Variants in HPS4 observed in about 807,000 individuals in gnomAD.
The protein encoded by HPS4 is BLOC-3 complex member HPS4.
In HPS4, 44 loss-of-function variants were observed where a neutral mutation model predicts 70.3. The observed-to-expected ratio is 0.63, with a 90% CI of 0.49 to 0.80. HPS4 has a LOEUF of 0.80. Among genes scored for constraint, HPS4 ranks in the 30% least tolerant of loss-of-function variants. The pLI is 0.00. For missense variants in HPS4, 873 were observed against 884.4 expected, an observed-to-expected ratio of 0.99 and a Z score of 0.16; for synonymous variants, 377 against 355.9, an observed-to-expected ratio of 1.06 and a Z score of -0.67.
chr22:26,464,624 T>C lies in HPS4; in HGVS notation c.1006A>G (p.Ile336Val). The C allele has an allele frequency of 6.2e-7, 1 of 1,614,192 alleles. No homozygotes were observed. Among genetic ancestry groups the C allele is most frequent in the Non-Finnish European group, 8.5e-7 (1 of 1,179,992 alleles). ...GCLSGHDLES[I>V]RPAGLHNSAR... Reference sequence around the variant, plus strand: ...GAGTTGTGCAGTCCTGCGGGCCTGATGCTCTCCAGATCATGGCCAGACAAG... The same window carrying C: ...GAGTTGTGCAGTCCTGCGGGCCTGACGCTCTCCAGATCATGGCCAGACAAG... The change falls in exon 11 of 14, where the codon ATC (isoleucine) becomes GTC (valine). Residue 336 changes from isoleucine to valine, a missense_variant. Transcript: ENST00000398145.
At chr22:26,445,901 G>A (rs1221436694), downstream of HPS4, among the ~76,000 whole-genome samples, 1 of 152,126 alleles carries the variant, frequency 6.6e-6, no homozygotes, top group Non-Finnish European at 1.5e-5. Flanking sequence ...TTAGAAGAGA[G>A]GGAGACAGGG....
At chr22:26,448,503 C>G (rs1356023971), downstream of HPS4, among the ~76,000 whole-genome samples, 1 of 152,230 alleles carries the variant, frequency 6.6e-6, no homozygotes, top group Non-Finnish European at 1.5e-5. Context: ...GAGGACTTGT[C>G]TCCCTCTCCT....
chr22:26,453,601 C>G, intron 13 of HPS4, 197 bp from the exon 14 acceptor site: 1 of 646,258 alleles, frequency 1.5e-6, no homozygotes, highest in Non-Finnish European at 2.8e-6. Flanking sequence ...TTCCTTTCAG[C>G]TCACTAGATG....
chr22:26,471,232 C>A, intron 6 of HPS4: 1 of 398,568 alleles, frequency 2.5e-6, no homozygotes, highest in Non-Finnish European at 4.9e-6. Flanking sequence ...CACTTTCCTT[C>A]TGAAGCACAA....
chr22:26,477,807 A>T lies in HPS4; in HGVS notation c.133-671T>A, dbSNP rs184136426. Reference sequence around the variant, plus strand: ...ACCACCATGAGGAACAAATCAGCCAAATCTAGAGTGTGGGACATTCTAACA... The same window carrying T: ...ACCACCATGAGGAACAAATCAGCCATATCTAGAGTGTGGGACATTCTAACA... On this transcript the variant is annotated intron_variant, in intron 3 of 13. Coordinates refer to ENST00000398145, the MANE Select transcript of HPS4 (RefSeq NM_022081.6). 1.2e-3 allele frequency among the ~76,000 whole-genome samples: 189 copies of T among 152,330 alleles called. 6 individuals are homozygous for T. Among genetic ancestry groups the T allele is most frequent in the Non-Finnish European group, 4.4e-4 (30 of 68,026 alleles).
chr22:26,447,406 G>A (rs977708760), downstream of HPS4, among the ~76,000 whole-genome samples: 3 of 152,144 alleles, frequency 2.0e-5, no homozygotes, highest in East Asian at 1.9e-4. Context: ...CAATAAGTGC[G>A]CCTTTTATTC....
rs386395105 is a variant in HPS4 at position 26,455,743 on chromosome 22, T to TA, written c.1955+2115dup. On this transcript the variant is annotated intron_variant, in intron 13 of 13. Transcript: ENST00000398145. Reference sequence around the variant, plus strand: ...CTAAAACTTATAATAATAATAAAATTAAAAAAAAAAAGAAATGGTAGCTGT... The same window carrying TA: ...CTAAAACTTATAATAATAATAAAATTAAAAAAAAAAAAGAAATGGTAGCTGT... Among the ~76,000 whole-genome samples the TA allele has an allele frequency of 2.1e-3, 312 of 145,370 alleles. 5 individuals carry two copies. Among genetic ancestry groups the TA allele is most frequent in the East Asian group, 2.6e-3 (13 of 5,008 alleles).
At chr22:26,457,500 T>C (rs2086363572) in intron 13 of HPS4, among the ~76,000 whole-genome samples, 1 of 152,310 alleles carries the variant, frequency 6.6e-6, no homozygotes, top group African/African-American at 2.4e-5. Context: ...TGTGAGCCAC[T>C]GTGCCCAGCC....
Position 26,465,535 on chromosome 22 carries a change from C to A in HPS4, c.723G>T (p.Pro241=), listed in dbSNP as rs199745804. Residue 241 remains proline (P), a synonymous_variant, in exon 10 of 14, where the codon CCG becomes CCT. Coordinates refer to ENST00000398145, the MANE Select transcript of HPS4 (RefSeq NM_022081.6). The part of the protein sequence containing the change: ...APQEHGAALP[P]NVQIIPVFVT... ...CAAAAACAGGGATAATCTGGACATT[C>A]GGGGGCAATGCCGCTCCTGGAATTG... 4 of 1,613,986 alleles carry A rather than the reference C, an allele frequency of 2.5e-6. No individual in the cohort carries two copies. The East Asian group carries it at 6.7e-5, about 27-fold the overall frequency.
intron 11 of HPS4, 122 bp from the exon 12 acceptor site, chr22:26,458,699 G>T: frequency 2.6e-6 from 3 of 1,171,308 alleles, no homozygotes; most frequent in Non-Finnish European, 3.6e-6. Context: ...GCTCACACCT[G>T]TAATCCCAGT....
chr22:26,449,906 T>C (rs12157832), downstream of HPS4, among the ~76,000 whole-genome samples: 511 of 152,296 alleles, frequency 3.4e-3, 4 homozygotes, highest in African/African-American at 0.012. Context: ...CCGAATTCAG[T>C]ACGTTGACAG....
chr22:26,478,634 G>A (rs867988409), intron 3 of HPS4, among the ~76,000 whole-genome samples: 1 of 151,318 alleles, frequency 6.6e-6, no homozygotes, highest in African/African-American at 2.4e-5. Context: ...TGGCATATGA[G>A]GGTTCATGAT....
At chr22:26,455,531 A>G (rs968895719) in intron 13 of HPS4, among the ~76,000 whole-genome samples, 6 of 140,712 alleles carry the variant, frequency 4.3e-5, no homozygotes, top group African/African-American at 1.6e-4. Context: ...GAATTGAACA[A>G]TGAGAATACA....
rs764663345 is a variant in HPS4, at chr22:26,464,769, A to C, written c.861T>G (p.Gly287=). The C allele has an allele frequency of 2.5e-6, 4 of 1,585,032 alleles. No homozygotes were observed. The African/African-American group carries it at 4.1e-5, about 16-fold the overall frequency. Residue 287 remains glycine (G), a synonymous_variant, in exon 11 of 14, where the codon GGT becomes GGG. Coordinates refer to ENST00000398145, the MANE Select transcript of HPS4 (RefSeq NM_022081.6). ...TTTCTTTCAGGGCAGATGTGCTCCC[A>C]CCCTTTGGATGGTGCTGGGCTGAAC... ...QDGSAQHHPK[G]GSTSALKENA...
intron 13 of HPS4, among the ~76,000 whole-genome samples, chr22:26,455,889 G>A (rs184275670): frequency 2.0e-5 from 3 of 152,244 alleles, no homozygotes; most frequent in Middle Eastern, 3.4e-3. Context: ...GGTGGTTGGT[G>A]GAGCAGATGC....
intron 11 of HPS4, among the ~76,000 whole-genome samples, chr22:26,463,667 G>T (rs1039375249): frequency 2.0e-5 from 3 of 152,238 alleles, no homozygotes; most frequent in African/African-American, 7.2e-5. Context: ...AACAGCGGAA[G>T]AAGAGAACCA....
At chr22:26,460,021 T>C (rs2086920748) in intron 11 of HPS4, among the ~76,000 whole-genome samples, 1 of 152,106 alleles carries the variant, frequency 6.6e-6, no homozygotes, top group African/African-American at 2.4e-5. Context: ...ATTTTGGGAG[T>C]ATATTGGTGT....
Position 26,470,964 on chromosome 22 carries a change from G to A in HPS4, c.502-151C>T, listed in dbSNP as rs551478284. ...TGTCACACAGTGAAAGCTGTGCCAT[G>A]GCTTGGGACTATTCTACCTCTCTAT... On this transcript the variant is annotated intron_variant, in intron 6 of 13. Coordinates refer to ENST00000398145, the MANE Select transcript of HPS4 (RefSeq NM_022081.6). 21 of 1,498,628 alleles carry A rather than the reference G, an allele frequency of 1.4e-5. No individual in the cohort carries two copies. The Admixed American group carries it at 3.7e-4, about 27-fold the overall frequency. The allele number at this position is 1,498,628 out of a possible 1,614,324, so 92.8% of individuals were successfully genotyped here.
chr22:26,465,359 G>T, intron 10 of HPS4, 96 bp downstream of exon 10: 1 of 840,242 alleles, frequency 1.2e-6, no homozygotes, highest in Non-Finnish European at 2.1e-6. Flanking sequence ...TGGAATTAAG[G>T]AACGATGGGA....
Sources: gnomAD v4.1 joint callset for allele counts (sites outside exome capture counted in the v4.1 genomes callset) on GRCh38, gnomAD v4.1.1 for gene constraint, MANE v1.5 for transcripts, NCBI Gene and HGNC (gene_info 2026-07-23, HGNC 2026-07-21) for gene names.